The following LYN variants were observed in gnomAD, a reference collection of about 807,000 sequenced individuals.
LYN encodes tyrosine-protein kinase Lyn.
A neutral mutation model predicts 65.0 loss-of-function variants in LYN; 12 were observed. The ratio of observed to expected loss-of-function variants is 0.18; its 90% CI spans 0.12 to 0.30. The LOEUF (loss-of-function observed/expected upper bound fraction) is 0.30, where lower values mean the gene tolerates loss of function less well. Among genes scored for constraint, LYN ranks in the 10% least tolerant of loss-of-function variants. LYN has a pLI of 1.00. For missense variants in LYN, 380 were observed against 623.2 expected, an observed-to-expected ratio of 0.61 and a Z score of 4.16; for synonymous variants, 222 against 221.2, an observed-to-expected ratio of 1.00 and a Z score of -0.03.
At chr8:55,993,452 T>C (rs1585674512) in intron 10 of LYN, among the ~76,000 whole-genome samples, 1 of 152,196 alleles carries the variant, frequency 6.6e-6, no homozygotes, top group East Asian at 1.9e-4. Context: ...AGTACTGAGC[T>C]CTCTTGGTAC....
chr8:55,953,537 A>T (rs924086328), intron 7 of LYN, among the ~76,000 whole-genome samples: 4 of 152,088 alleles, frequency 2.6e-5, no homozygotes, highest in Non-Finnish European at 4.4e-5. Context: ...AATCCCAGTT[A>T]CTTTGGAGGC....
At chr8:55,959,793 T>TC (rs542099220) in intron 8 of LYN, among the ~76,000 whole-genome samples, 246 of 152,214 alleles carry the variant, frequency 1.6e-3, no homozygotes, top group African/African-American at 5.7e-3. Flanking sequence ...TGTGGTGTAT[T>TC]CATACAATGG....
intron 1 of LYN, among the ~76,000 whole-genome samples, chr8:55,885,776 C>A (rs118138470): frequency 3.3e-5 from 5 of 152,146 alleles, no homozygotes; most frequent in Non-Finnish European, 7.3e-5. Flanking sequence ...AACTGTAGCC[C>A]GATGCTGGAG....
In LYN at chr8:55,951,963, T is replaced by C. The variant is rs756477645; in HGVS notation, c.488-3T>C. 1.2e-6 allele frequency: 2 copies of C among 1,609,738 alleles called. No individual in the cohort carries two copies. The highest frequency in any genetic ancestry group is 3.4e-5 in the Admixed American group (2 of 58,718). On this transcript the variant is annotated splice_region_variant and splice_polypyrimidine_tract_variant and intron_variant, in intron 6 of 12. Transcript: ENST00000519728. ...ACATTTACTTACACTTTTCCCCCCA[T>C]AGGAAGCTTCTCTCTGTCTGTCAGA...
chr8:55,980,471 T>G (rs1807887797), intron 10 of LYN: 1 of 152,450 alleles, frequency 6.6e-6, no homozygotes, highest in Non-Finnish European at 1.5e-5. Flanking sequence ...GCTCCTGGGC[T>G]CAAGCCATCC....
intron 12 of LYN, among the ~76,000 whole-genome samples, chr8:56,004,963 T>G (rs1197385938): frequency 6.6e-6 from 1 of 152,160 alleles, no homozygotes; most frequent in Non-Finnish European, 1.5e-5. Flanking sequence ...TTATAAATTT[T>G]TTGTAGAGAC....
At chr8:56,007,520 A>G (rs1808704039) in intron 12 of LYN, among the ~76,000 whole-genome samples, 1 of 152,254 alleles carries the variant, frequency 6.6e-6, no homozygotes, top group South Asian at 2.1e-4. Flanking sequence ...AATTCTCAAG[A>G]GATCTGAATC....
chr8:56,001,736 T>G (rs141635759), intron 12 of LYN, among the ~76,000 whole-genome samples: 1 of 152,268 alleles, frequency 6.6e-6, no homozygotes, highest in Non-Finnish European at 1.5e-5. Flanking sequence ...AGAGAAAGAT[T>G]ATATAGTCAG....
At chr8:55,886,320 A>C (rs1804792355) in intron 1 of LYN, among the ~76,000 whole-genome samples, 1 of 148,860 alleles carries the variant, frequency 6.7e-6, no homozygotes, top group Non-Finnish European at 1.5e-5. Context: ...CACTCACTGC[A>C]ACCCCTCCTC....
chr8:55,883,050 G>A (rs368080471), intron 1 of LYN, among the ~76,000 whole-genome samples: 3 of 152,142 alleles, frequency 2.0e-5, no homozygotes, highest in East Asian at 3.8e-4. Context: ...AAACATGGTC[G>A]AAACACTCAC....
intron 9 of LYN, among the ~76,000 whole-genome samples, chr8:55,967,212 A>AAAATTCC (rs1208199675): frequency 6.6e-6 from 1 of 151,396 alleles, no homozygotes; most frequent in Non-Finnish European, 1.5e-5. Context: ...TCAAAAAGGA[A>AAAATTCC]TTTTTGAAAT....
At chr8:56,000,767 C>G (rs1359609853) in intron 12 of LYN, among the ~76,000 whole-genome samples, 2 of 149,660 alleles carry the variant, frequency 1.3e-5, no homozygotes, top group Non-Finnish European at 3.0e-5. Flanking sequence ...AGGGATTTCT[C>G]CCAGAGCCTT....
At chr8:55,885,486 T>G (rs963799038) in intron 1 of LYN, among the ~76,000 whole-genome samples, 2 of 152,178 alleles carry the variant, frequency 1.3e-5, no homozygotes, top group African/African-American at 2.4e-5. Context: ...CTTTCCTCCC[T>G]CCATTGGTAA....
intron 1 of LYN, among the ~76,000 whole-genome samples, chr8:55,941,213 T>A (rs995723256): frequency 6.6e-6 from 1 of 152,114 alleles, no homozygotes; most frequent in South Asian, 2.1e-4. Context: ...ATTGGATGTG[T>A]CATTTGTCTT....
At chr8:55,989,051 A>T (rs547772634) in intron 10 of LYN, among the ~76,000 whole-genome samples, 22 of 152,330 alleles carry the variant, frequency 1.4e-4, no homozygotes, top group African/African-American at 4.8e-4. Flanking sequence ...AGCATTGCTC[A>T]TGTTCTCTGG....
intron 12 of LYN, among the ~76,000 whole-genome samples, chr8:56,003,526 G>A (rs116347210): frequency 0.015 from 2,337 of 152,096 alleles, 60 homozygotes; most frequent in African/African-American, 0.047. Flanking sequence ...AAATTAGCCC[G>A]GCGTGGTGGC....
At chr8:55,958,770 ATGTCGTAGCATG>A (rs1807194618) in intron 8 of LYN, among the ~76,000 whole-genome samples, 2 of 152,226 alleles carry the variant, frequency 1.3e-5, no homozygotes, top group African/African-American at 2.4e-5. Flanking sequence ...AGGTTTATCT[ATGTCGTAGCATG>A]TGTCAGAATT....
rs1164631009 is a variant in LYN, at chr8:55,911,173, G to A, written c.-5-30682G>A. Among the ~76,000 whole-genome samples the A allele has an allele frequency of 9.9e-3, 147 of 14,866 alleles. 51 individuals are homozygous for A. Among genetic ancestry groups the A allele is most frequent in the African/African-American group, 0.022 (131 of 5,904 alleles). The allele number at this position is 14,866 out of a possible 152,430, so 9.8% of individuals were successfully genotyped here. A position where few individuals can be genotyped will look rare whatever the true frequency, so the allele number is the denominator to read the frequency against. On this transcript the variant is annotated intron_variant, in intron 1 of 12. Coordinates refer to ENST00000519728, the MANE Select transcript of LYN (RefSeq NM_002350.4). ...TATATATATGTACATATATATACAC[G>A]TATATATATATATATACACACACAC... is the stretch of plus-strand genomic sequence containing the variant.
chr8:56,009,546 T>C (rs1585690050), intron 12 of LYN, among the ~76,000 whole-genome samples: 1 of 152,226 alleles, frequency 6.6e-6, no homozygotes, highest in East Asian at 1.9e-4. Context: ...TGTAGATGGC[T>C]GCCTCCTCCC....
Sources: allele counts gnomAD v4.1 joint callset (sites outside exome capture counted in the v4.1 genomes callset), GRCh38; gene constraint gnomAD v4.1.1; transcripts MANE v1.5; gene names NCBI Gene and HGNC (gene_info 2026-07-23, HGNC 2026-07-21).